Variants in DNAH6 observed in about 807,000 individuals in gnomAD.
DNAH6 encodes the protein dynein axonemal heavy chain 6.
DNAH6 carries 340 observed loss-of-function variants against 491.4 expected under a neutral mutation model. The ratio of observed to expected loss-of-function variants is 0.69; its 90% CI spans 0.63 to 0.76. DNAH6 has a LOEUF of 0.76. Among genes scored for constraint, DNAH6 ranks in the 30% least tolerant of loss-of-function variants. DNAH6 has a pLI of 0.00. For missense variants in DNAH6, 4,443 were observed against 4,972.2 expected (o/e 0.89, Z 3.20); for synonymous variants, 1,603 against 1,686.1 (o/e 0.95, Z 1.21).
chr2:84,701,417 C>G (rs1241298585), intron 49 of DNAH6, 78 bp downstream of exon 49: 1 of 1,381,936 alleles, frequency 7.2e-7, no homozygotes, highest in Non-Finnish European at 9.8e-7. Context: ...ACTCTATGCA[C>G]TGTCTTACCT....
chr2:84,498,911 T>G, the DNAH6 span, among the ~76,000 whole-genome samples: 1 of 152,176 alleles, frequency 6.6e-6, no homozygotes, highest in African/African-American at 2.4e-5. Flanking sequence ...GTTTTTAAAT[T>G]TTTTTAATGT....
intron 15 of DNAH6, 45 bp from the exon 16 acceptor site, chr2:84,588,781 T>A: frequency 6.9e-7 from 1 of 1,458,346 alleles, no homozygotes; most frequent in Non-Finnish European, 9.1e-7. Context: ...TTGGTCTTTA[T>A]CAAAAAGCAG....
chr2:84,546,708 T>C (rs1678830556), intron 5 of DNAH6, among the ~76,000 whole-genome samples: 1 of 152,228 alleles, frequency 6.6e-6, no homozygotes, highest in Admixed American at 6.5e-5. Context: ...TGAGCATGCA[T>C]GTACAAGTTT....
chr2:84,799,010 C>T (rs1161370743), intron 70 of DNAH6, among the ~76,000 whole-genome samples: 2 of 139,468 alleles, frequency 1.4e-5, no homozygotes, highest in Admixed American at 7.5e-5. Context: ...TTTTTTGAGA[C>T]GGAGTCTCGC....
At chr2:84,595,835 A>G in intron 18 of DNAH6, 46 bp downstream of exon 18, 1 of 1,503,610 alleles carries the variant, frequency 6.7e-7, no homozygotes, top group Non-Finnish European at 8.9e-7. Flanking sequence ...CCAGTTGGTT[A>G]TTAATTGATG....
At position 84,557,764 on chromosome 2, in the gene DNAH6, T is replaced by C. The variant is rs1558710952; in HGVS notation, c.1632T>C (p.Cys544=). ...LDGILGAVNH[C]QNTVLSVPNL... is the part of the protein sequence containing the mutation. ...GTATTTTGGGTGCAGTTAATCACTG[T>C]CAAAACACTGTGTTATCAGTTCCTA... Residue 544 remains cysteine (C), a synonymous_variant, in exon 11 of 77, where the codon TGT becomes TGC. Transcript: ENST00000389394. 8 of 1,606,894 alleles carry C rather than the reference T, an allele frequency of 5.0e-6. No homozygotes were observed. The highest frequency in any genetic ancestry group is 2.7e-5 in the African/African-American group (2 of 74,712).
rs763975231 is a variant in DNAH6, at chr2:84,547,373, A to T, written c.1036A>T (p.Lys346Ter). Reference sequence around the variant, plus strand: ...TCACACCTACACCCTGCAGGAATTTAAGGCCGCACAAGTCATACGGCTAGC... The same window carrying T: ...TCACACCTACACCCTGCAGGAATTTTAGGCCGCACAAGTCATACGGCTAGC... ...KCHTYTLQEF[K>*]AAQVIRLAEV... Residue 346 changes from lysine to a stop codon, truncating the protein, a stop_gained, in exon 6 of 77, where the codon AAG becomes TAG. Coordinates refer to ENST00000389394, the MANE Select transcript of DNAH6 (RefSeq NM_001370.2). LOFTEE classifies it high-confidence loss of function. 6.4e-7 allele frequency: 1 copy of T among 1,551,658 alleles called. No homozygotes were observed. Among genetic ancestry groups the T allele is most frequent in the African/African-American group, 1.4e-5 (1 of 73,042 alleles).
chr2:84,468,006 T>G, the DNAH6 span, among the ~76,000 whole-genome samples: 1 of 152,330 alleles, frequency 6.6e-6, no homozygotes, highest in South Asian at 2.1e-4. Flanking sequence ...TTTTAAAAGT[T>G]AAAGAGGTGG....
chr2:84,781,801 T>C (rs1676728401), intron 65 of DNAH6, 148 bp downstream of exon 65: 1 of 979,990 alleles, frequency 1.0e-6, no homozygotes, highest in African/African-American at 1.6e-5. Flanking sequence ...CAGATTTAGC[T>C]AATTTACACA....
chr2:84,524,669 C>T (rs1676451932), intron 2 of DNAH6, among the ~76,000 whole-genome samples: 1 of 151,868 alleles, frequency 6.6e-6, no homozygotes, highest in Non-Finnish European at 1.5e-5. Flanking sequence ...TATTTGTTTT[C>T]CTTATTAATT....
the DNAH6 span, among the ~76,000 whole-genome samples, chr2:84,461,452 C>T: frequency 6.6e-6 from 1 of 152,298 alleles, no homozygotes; most frequent in African/African-American, 2.4e-5. Flanking sequence ...AGGGGACAAC[C>T]ACACTAGTCA....
At chr2:84,733,338 G>C (rs1343957420) in intron 61 of DNAH6, 106 bp from the exon 62 acceptor site, 4 of 918,560 alleles carry the variant, frequency 4.4e-6, no homozygotes, top group African/African-American at 1.7e-5. Flanking sequence ...CTAGGAAAAT[G>C]GTTATTTTAA....
At position 84,704,317 on chromosome 2, in the gene DNAH6, G is replaced by A; in HGVS notation, c.8465+15G>A. ...TTGAATGCCAAGTGAGTAATTCAGA[G>A]TCATGTATTGCCATGATACCTGGTA... On this transcript the variant is annotated intron_variant, in intron 51 of 76. Coordinates refer to ENST00000389394, the MANE Select transcript of DNAH6 (RefSeq NM_001370.2). 1 of 1,517,638 alleles carries A rather than the reference G, an allele frequency of 6.6e-7. No homozygotes were observed. The highest frequency in any genetic ancestry group is 9.0e-7 in the Non-Finnish European group (1 of 1,116,464). The allele number at this position is 1,517,638 out of a possible 1,614,324, so 94.0% of individuals were successfully genotyped here.
chr2:84,631,996 T>G (rs1313809673), intron 29 of DNAH6, among the ~76,000 whole-genome samples: 2 of 152,192 alleles, frequency 1.3e-5, no homozygotes, highest in African/African-American at 4.8e-5. Context: ...TGGTCTCCCT[T>G]GTTGGAACAA....
rs114904466 is a variant in DNAH6 at position 84,797,432 on chromosome 2, C to T, written c.11360-105C>T. ...AAACAATCCCCCTTTCTACATGAGC[C>T]AGCTGATTGCAGCCACCATCTGCAC... On this transcript the variant is annotated intron_variant, in intron 69 of 76. Transcript: ENST00000389394. 1.2e-3 allele frequency: 1,269 copies of T among 1,065,832 alleles called. 7 individuals carry two copies. The African/African-American group carries it at 0.018, about 15-fold the overall frequency. The allele number at this position is 1,065,832 out of a possible 1,614,324, so 66.0% of individuals were successfully genotyped here.
chr2:84,732,001 G>GA (rs1190346891), intron 61 of DNAH6, among the ~76,000 whole-genome samples: 10 of 152,178 alleles, frequency 6.6e-5, no homozygotes, highest in African/African-American at 2.4e-4. Flanking sequence ...AAAGAGCCCT[G>GA]AAAAAGCTAT....
At chr2:84,469,450 C>T in the DNAH6 span, among the ~76,000 whole-genome samples, 1 of 152,164 alleles carries the variant, frequency 6.6e-6, no homozygotes. The surrounding 1 kb of genome is among the most constrained non-coding windows in gnomAD (Gnocchi z 4.0). Context: ...AGATGGGCCC[C>T]GTCATCTTTA....
chr2:84,554,358 A>G (rs1025205539), intron 10 of DNAH6, among the ~76,000 whole-genome samples: 1 of 152,138 alleles, frequency 6.6e-6, no homozygotes, highest in African/African-American at 2.4e-5. Context: ...AGAGGAGGGG[A>G]TTGAACAGCA....
At chr2:84,521,218 T>C (rs949500216) in intron 2 of DNAH6, among the ~76,000 whole-genome samples, 3 of 152,132 alleles carry the variant, frequency 2.0e-5, no homozygotes, top group African/African-American at 7.2e-5. Flanking sequence ...GTTTCTCTAA[T>C]GACCAGTGAT....
Sources: allele counts gnomAD v4.1 joint callset (sites outside exome capture counted in the v4.1 genomes callset), GRCh38; gene constraint gnomAD v4.1.1; non-coding constraint Gnocchi (gnomAD v3.1); transcripts MANE v1.5; gene names NCBI Gene and HGNC (gene_info 2026-07-23, HGNC 2026-07-21).